Variants in OR2L13 observed in about 807,000 individuals in gnomAD.
The protein encoded by OR2L13 is olfactory receptor 2L13.
In OR2L13, 14 loss-of-function variants were observed where a neutral mutation model predicts 15.3. The ratio of observed to expected loss-of-function variants is 0.91; its 90% CI spans 0.60 to 1.43. OR2L13 has a LOEUF of 1.43. Among genes scored for constraint, OR2L13 ranks in the 40% most tolerant of loss-of-function variants. The pLI is 0.00. For synonymous variants in OR2L13, 152 were observed against 142.9 expected (o/e 1.06, Z -0.45); for missense variants, 367 against 387.9 (o/e 0.95, Z 0.45).
At chr1:248,086,785 A>C in the OR2L13 span, among the ~76,000 whole-genome samples, 1 of 151,862 alleles carries the variant, frequency 6.6e-6, no homozygotes, top group African/African-American at 2.4e-5. Context: ...ACCTGGATTT[A>C]AATAAAACAT....
At chr1:248,030,752 A>T in the OR2L13 span, among the ~76,000 whole-genome samples, 77,044 of 151,928 alleles carry the variant, frequency 0.51, 24,037 homozygotes, top group Non-Finnish European at 0.67. Context: ...GTCGGTGGTG[A>T]TGTCAATGTA....
chr1:248,038,852 G>A, the OR2L13 span: 4 of 1,614,034 alleles, frequency 2.5e-6, no homozygotes, highest in African/African-American at 2.7e-5. Flanking sequence ...GGGTCTATGA[G>A]AGCACAGTGT....
the OR2L13 span, among the ~76,000 whole-genome samples, chr1:248,084,882 G>T: frequency 6.6e-6 from 1 of 152,068 alleles, no homozygotes; most frequent in African/African-American, 2.4e-5. Flanking sequence ...CCTTGTCTGT[G>T]ACTAATAACA....
chr1:248,070,145 T>C, the OR2L13 span, among the ~76,000 whole-genome samples: 1 of 151,932 alleles, frequency 6.6e-6, no homozygotes, highest in African/African-American at 2.4e-5. Context: ...TCTACAGAAC[T>C]CTCCACCCCA....
the OR2L13 span, chr1:248,002,997 G>A: frequency 1.6e-6 from 1 of 608,326 alleles, no homozygotes; most frequent in Non-Finnish European, 3.0e-6. Flanking sequence ...TCTTTGGTTG[G>A]TAGGCTATTT....
chr1:248,030,907 T>G, the OR2L13 span, among the ~76,000 whole-genome samples: 1 of 152,228 alleles, frequency 6.6e-6, no homozygotes, highest in Non-Finnish European at 1.5e-5. Context: ...GAAGGCTGGT[T>G]TTTCTACTTG....
the OR2L13 span, among the ~76,000 whole-genome samples, chr1:247,937,964 G>C: frequency 6.6e-6 from 1 of 152,128 alleles, no homozygotes; most frequent in East Asian, 1.9e-4. Context: ...TGGTGAATTG[G>C]ACATCATAAC....
At chr1:248,035,015 T>C in the OR2L13 span, among the ~76,000 whole-genome samples, 3 of 152,208 alleles carry the variant, frequency 2.0e-5, no homozygotes, top group Non-Finnish European at 2.9e-5. Flanking sequence ...ATTTCACTTC[T>C]TTCTTTTGAA....
chr1:248,098,397 A>G (rs542938195), intron 1 of OR2L13, among the ~76,000 whole-genome samples: 16 of 152,330 alleles, frequency 1.1e-4, no homozygotes, highest in African/African-American at 3.4e-4. Context: ...CTAAAGCACT[A>G]TAAGAAGCAG....
chr1:248,034,356 A>G, the OR2L13 span, among the ~76,000 whole-genome samples: 1 of 152,250 alleles, frequency 6.6e-6, no homozygotes, highest in Non-Finnish European at 1.5e-5. Flanking sequence ...CTAAGTGAAA[A>G]AAACAAATCT....
the OR2L13 span, chr1:248,022,914 G>A: frequency 3.8e-5 from 59 of 1,569,830 alleles, no homozygotes; most frequent in Middle Eastern, 3.5e-4. Context: ...GAGTCAAAGC[G>A]CTAGGTTCAT....
the OR2L13 span, among the ~76,000 whole-genome samples, chr1:248,042,843 C>T: frequency 3.3e-5 from 5 of 152,096 alleles, no homozygotes; most frequent in Admixed American, 1.3e-4. Flanking sequence ...CAAACTAAAT[C>T]AAAATATAAT....
chr1:248,059,059 T>C, the OR2L13 span, among the ~76,000 whole-genome samples: 2 of 152,202 alleles, frequency 1.3e-5, no homozygotes, highest in Non-Finnish European at 2.9e-5. Flanking sequence ...TCTGAAGATA[T>C]GAATTCTGAT....
chr1:247,984,437 G>C, the OR2L13 span, among the ~76,000 whole-genome samples: 2 of 152,028 alleles, frequency 1.3e-5, no homozygotes, highest in African/African-American at 4.8e-5. Flanking sequence ...AATGTTAATT[G>C]TGTTAGTAAT....
chr1:248,034,161 G>A, the OR2L13 span, among the ~76,000 whole-genome samples: 4 of 152,072 alleles, frequency 2.6e-5, no homozygotes, highest in Non-Finnish European at 2.9e-5. Flanking sequence ...AATCATAGAC[G>A]AAACAAACCT....
chr1:248,041,382 G>A, the OR2L13 span: 5 of 152,060 alleles, frequency 3.3e-5, no homozygotes, highest in African/African-American at 9.7e-5. Flanking sequence ...AGACTTAAAC[G>A]TTAGACCTAA....
At chr1:248,066,254 C>G in the OR2L13 span, among the ~76,000 whole-genome samples, 3 of 152,182 alleles carry the variant, frequency 2.0e-5, no homozygotes, top group African/African-American at 7.2e-5. Flanking sequence ...ATGAATAAAA[C>G]TTATATGCTT....
the OR2L13 span, among the ~76,000 whole-genome samples, chr1:248,000,826 T>C: frequency 6.6e-6 from 1 of 152,158 alleles, no homozygotes; most frequent in Non-Finnish European, 1.5e-5. Flanking sequence ...ACAGAAGAAT[T>C]GTAATGAGTA....
the OR2L13 span, chr1:248,040,719 T>C: frequency 6.6e-6 from 1 of 152,208 alleles, no homozygotes; most frequent in Admixed American, 6.5e-5. Context: ...ATGTTATTTG[T>C]AAGGCTTGCT....
Sources: allele counts gnomAD v4.1 joint callset (sites outside exome capture counted in the v4.1 genomes callset), GRCh38; gene constraint gnomAD v4.1.1; transcripts MANE v1.5; gene names NCBI Gene and HGNC (gene_info 2026-07-23, HGNC 2026-07-21).